The following CDC73 variants were observed in gnomAD, a reference collection of about 807,000 sequenced individuals.
CDC73 encodes parafibromin.
Under a neutral mutation model 83.7 loss-of-function variants are expected in CDC73, and 21 were observed. The ratio of observed to expected loss-of-function variants is 0.25; its 90% CI spans 0.18 to 0.36. CDC73 has a LOEUF of 0.36. CDC73 is among the 10% of genes least tolerant of loss of function. The pLI is 1.00. For synonymous variants in CDC73, 224 were observed against 212.9 expected (o/e 1.05, Z -0.45); for missense variants, 342 against 653.3 (o/e 0.52, Z 5.19).
chr1:193,141,000 A>T (rs981684641), intron 6 of CDC73: 1 of 152,220 alleles, frequency 6.6e-6, no homozygotes, highest in Non-Finnish European at 1.5e-5. Context: ...CTTCATACCT[A>T]ATCTGAATAA....
chr1:193,130,045 T>C (rs559113178), intron 2 of CDC73, 129 bp from the exon 3 acceptor site: 1 of 645,030 alleles, frequency 1.6e-6, no homozygotes, highest in African/African-American at 1.8e-5. Context: ...AGTCATTTTT[T>C]ACAAATGTGA....
At chr1:193,198,216 T>G (rs897910325) in intron 10 of CDC73, among the ~76,000 whole-genome samples, 4 of 152,162 alleles carry the variant, frequency 2.6e-5, no homozygotes, top group African/African-American at 7.2e-5. Flanking sequence ...AGCAGACAAA[T>G]AATTAGGGAA....
intron 7 of CDC73, among the ~76,000 whole-genome samples, chr1:193,143,151 T>G (rs1675935342): frequency 6.6e-6 from 1 of 152,224 alleles, no homozygotes; most frequent in Non-Finnish European, 1.5e-5. Flanking sequence ...AAGAATCATT[T>G]CTTTTTCTTT....
chr1:193,163,869 C>T (rs997799080), intron 10 of CDC73, among the ~76,000 whole-genome samples: 4 of 152,106 alleles, frequency 2.6e-5, no homozygotes, highest in Non-Finnish European at 4.4e-5. Flanking sequence ...ACCTCCGCTT[C>T]CCAGGTTCAA....
chr1:193,227,472 C>CA (rs201626808), intron 13 of CDC73, among the ~76,000 whole-genome samples: 72 of 139,074 alleles, frequency 5.2e-4, no homozygotes, highest in African/African-American at 1.4e-3. Flanking sequence ...GACCTCGTTT[C>CA]AAAAAAAAAA....
chr1:193,234,846 T>G (rs974588527), intron 14 of CDC73, among the ~76,000 whole-genome samples: 1 of 152,262 alleles, frequency 6.6e-6, no homozygotes, highest in Admixed American at 6.5e-5. Context: ...GAGGCATGTA[T>G]CCCATGAAAG....
At chr1:193,202,632 CCTT>C (rs1242841416) in intron 10 of CDC73, among the ~76,000 whole-genome samples, 1 of 62,226 alleles carries the variant, frequency 1.6e-5, no homozygotes, top group Non-Finnish European at 3.5e-5. Context: ...TTTTTTTTTT[CCTT>C]CTTGGAGTTT....
intron 5 of CDC73, among the ~76,000 whole-genome samples, chr1:193,135,869 T>TTC (rs199607743): frequency 1.2e-4 from 16 of 131,182 alleles, no homozygotes; most frequent in Non-Finnish European, 1.8e-4. Context: ...CTTTCTGTTC[T>TTC]TTTTTTTTTT....
intron 16 of CDC73, among the ~76,000 whole-genome samples, chr1:193,250,185 G>T (rs954686160): frequency 6.6e-6 from 1 of 151,856 alleles, no homozygotes; most frequent in Non-Finnish European, 1.5e-5. Flanking sequence ...TTTGGATTAA[G>T]AGAACCCTGT....
intron 13 of CDC73, among the ~76,000 whole-genome samples, chr1:193,216,515 G>A (rs1677370694): frequency 6.6e-6 from 1 of 152,056 alleles, no homozygotes; most frequent in African/African-American, 2.4e-5. Flanking sequence ...TCTACCAGAT[G>A]TATAAAGGAG....
At chr1:193,189,879 G>A (rs563696941) in intron 10 of CDC73, among the ~76,000 whole-genome samples, 1 of 152,186 alleles carries the variant, frequency 6.6e-6, no homozygotes, top group Non-Finnish European at 1.5e-5. Flanking sequence ...TACATCATCT[G>A]TTTATCTATG....
At chr1:193,132,939 C>T (rs913946746) in intron 3 of CDC73, among the ~76,000 whole-genome samples, 6 of 125,330 alleles carry the variant, frequency 4.8e-5, no homozygotes, top group South Asian at 5.0e-4. Flanking sequence ...CTTGCTCTGT[C>T]GCCCCAGGCT....
intron 10 of CDC73, among the ~76,000 whole-genome samples, chr1:193,183,668 T>C (rs1464630059): frequency 1.3e-5 from 2 of 151,678 alleles, no homozygotes; most frequent in Non-Finnish European, 3.0e-5. Context: ...TGGTAAATAA[T>C]AATGACTCTC....
intron 10 of CDC73, among the ~76,000 whole-genome samples, chr1:193,158,571 C>T (rs917690165): frequency 6.6e-6 from 1 of 151,982 alleles, no homozygotes; most frequent in African/African-American, 2.4e-5. Flanking sequence ...TATGTAGTTA[C>T]ATAATTATAA....
chr1:193,166,379 G>A (rs1227634901), intron 10 of CDC73, among the ~76,000 whole-genome samples: 1 of 152,086 alleles, frequency 6.6e-6, no homozygotes, highest in African/African-American at 2.4e-5. Context: ...GGTCTCTAAC[G>A]ATCCTCCTGC....
In CDC73 at chr1:193,125,098, C is replaced by A. The variant is rs2103113867; in HGVS notation, c.132-14C>A. The A allele has an allele frequency of 1.5e-6, 2 of 1,369,460 alleles. No homozygotes were observed. Among genetic ancestry groups the A allele is most frequent in the Non-Finnish European group, 2.1e-6 (2 of 956,628 alleles). 84.8% of individuals were successfully genotyped at this position (1,369,460 alleles called of 1,614,324 possible). A position where few individuals can be genotyped will look rare whatever the true frequency, so the allele number is the denominator to read the frequency against. The stretch of plus-strand genomic sequence containing the variant: ...GAATTGTCAGTAAAAAAAATCTTGC[C>A]TTAATTATTTCAGGACTGGAAAGGA... On this transcript the variant is annotated splice_polypyrimidine_tract_variant and intron_variant, in intron 1 of 16. Transcript: ENST00000367435.
intron 7 of CDC73, among the ~76,000 whole-genome samples, chr1:193,144,946 T>C (rs555997241): frequency 1.8e-4 from 27 of 152,276 alleles, no homozygotes; most frequent in African/African-American, 5.8e-4. Context: ...TTCTTTATGC[T>C]GCTGTCACCA....
In CDC73 at chr1:193,122,247, A is replaced by G; in HGVS notation, c.47A>G (p.Lys16Arg). The G allele has an allele frequency of 1.2e-6, 2 of 1,614,062 alleles. No individual in the cohort carries two copies. Among genetic ancestry groups the G allele is most frequent in the Non-Finnish European group, 1.7e-6 (2 of 1,179,908 alleles). The change falls in exon 1 of 17, where the codon AAG becomes AGG. Residue 16 changes from lysine to arginine, a missense_variant. Physicochemically the swap from Lys to Arg is conservative, Grantham distance 26. Around this residue, in one of 3 missense-constraint regions of CDC73, gnomAD observed 99 missense variants for 174.5 expected, o/e 0.57. Coordinates refer to ENST00000367435, the MANE Select transcript of CDC73 (RefSeq NM_024529.5). ...CTGCGACAGTACAACATCCAGAAGA[A>G]GGAGATTGTGGTGAAGGGAGACGAA... is the stretch of plus-strand genomic sequence containing the variant. ...SVLRQYNIQK[K>R]EIVVKGDEVI...
At chr1:193,205,662 A>T (rs1181706994) in intron 11 of CDC73, among the ~76,000 whole-genome samples, 1 of 152,176 alleles carries the variant, frequency 6.6e-6, no homozygotes, top group Non-Finnish European at 1.5e-5. Flanking sequence ...TGACATGACT[A>T]ATTTTCAGTA....
Sources: gnomAD v4.1 joint callset for allele counts (sites outside exome capture counted in the v4.1 genomes callset) on GRCh38, gnomAD v4.1.1 for gene constraint, gnomAD v4.1.1 regional missense constraint, MANE v1.5 for transcripts, NCBI Gene and HGNC (gene_info 2026-07-23, HGNC 2026-07-21) for gene names.